SGCZ: variants seen among roughly 807,000 people sequenced by gnomAD.
SGCZ encodes the protein zeta-sarcoglycan.
SGCZ carries 40 observed loss-of-function variants against 41.3 expected under a neutral mutation model. The observed-to-expected ratio is 0.97, with a 90% CI of 0.75 to 1.26. The LOEUF is 1.26. Ranked by LOEUF, SGCZ falls within the 50% of genes most tolerant of loss-of-function variation. The pLI is 0.00. For missense variants in SGCZ, 552 were observed against 369.8 expected (o/e 1.49, Z -4.04); for synonymous variants, 206 against 137.5 (o/e 1.50, Z -3.49).
Position 14,689,652 on chromosome 8 carries a change from C to G in SGCZ, c.40-134726G>C, listed in dbSNP as rs547041469. Among the ~76,000 whole-genome samples the G allele has an allele frequency of 6.6e-4, 100 of 152,258 alleles. 4 individuals carry two copies. In the South Asian group the frequency reaches 0.02, roughly 30 times the overall value. On this transcript the variant is annotated intron_variant, in intron 1 of 7. Coordinates refer to ENST00000382080, the MANE Select transcript of SGCZ (RefSeq NM_139167.4). ...TGGGAGTAATTTGCCCTACAGAAAT[C>G]TGTTATAACATTTAAATGAAATTGT... is the stretch of plus-strand genomic sequence containing the variant.
intron 7 of SGCZ, among the ~76,000 whole-genome samples, chr8:14,098,704 A>C (rs7845079): frequency 0.01 from 1,575 of 152,266 alleles, 29 homozygotes; most frequent in African/African-American, 0.036. Context: ...CTTGAGACAT[A>C]ACACAATTAA....
intron 4 of SGCZ, among the ~76,000 whole-genome samples, chr8:14,236,290 CTAAT>C (rs1806757689): frequency 1.3e-5 from 2 of 152,116 alleles, no homozygotes; most frequent in African/African-American, 2.4e-5. Flanking sequence ...TGCTATATCT[CTAAT>C]TATCACAAAA....
At chr8:15,114,928 T>C (rs1487009727) in intron 1 of SGCZ, among the ~76,000 whole-genome samples, 2 of 152,116 alleles carry the variant, frequency 1.3e-5, no homozygotes, top group Non-Finnish European at 2.9e-5. Context: ...TCATTCAAAA[T>C]CATTGTTAAA....
At chr8:14,467,495 G>C (rs1801085288) in intron 2 of SGCZ, among the ~76,000 whole-genome samples, 1 of 152,060 alleles carries the variant, frequency 6.6e-6, no homozygotes, top group African/African-American at 2.4e-5. Flanking sequence ...TGTGCAAACT[G>C]CTTCAGGAAC....
At chr8:14,684,274 A>T (rs1673831545) in intron 1 of SGCZ, among the ~76,000 whole-genome samples, 1 of 152,192 alleles carries the variant, frequency 6.6e-6, no homozygotes, top group African/African-American at 2.4e-5. Context: ...TTTTCTATAA[A>T]CAACAGCTTG....
At chr8:14,898,647 A>C (rs569784185) in intron 1 of SGCZ, among the ~76,000 whole-genome samples, 1 of 152,330 alleles carries the variant, frequency 6.6e-6, no homozygotes, top group South Asian at 2.1e-4. Flanking sequence ...GAGAATCGAA[A>C]GGATTTGATA....
intron 1 of SGCZ, among the ~76,000 whole-genome samples, chr8:15,060,700 G>A (rs1398066450): frequency 6.7e-6 from 1 of 150,230 alleles, no homozygotes; most frequent in East Asian, 2.0e-4. Context: ...CTCCCTTTGG[G>A]AAAAAGAGCA....
intron 2 of SGCZ, among the ~76,000 whole-genome samples, chr8:14,532,613 A>G (rs1049867163): frequency 4.6e-5 from 7 of 150,878 alleles, no homozygotes; most frequent in African/African-American, 1.7e-4. Flanking sequence ...GCAAAAATGT[A>G]AGAGGAAACT....
At chr8:15,006,540 C>G (rs1406369088) in intron 1 of SGCZ, among the ~76,000 whole-genome samples, 1 of 152,002 alleles carries the variant, frequency 6.6e-6, no homozygotes, top group African/African-American at 2.4e-5. Flanking sequence ...CATTGTTTAC[C>G]CCACGAAGAA....
chr8:14,756,387 G>A (rs1433155019), intron 1 of SGCZ, among the ~76,000 whole-genome samples: 1 of 152,064 alleles, frequency 6.6e-6, no homozygotes, highest in Non-Finnish European at 1.5e-5. Context: ...GTTTCTCCAT[G>A]TTGGTCAGGC....
intron 2 of SGCZ, among the ~76,000 whole-genome samples, chr8:14,358,318 G>GT (rs1803369569): frequency 6.6e-6 from 1 of 152,082 alleles, no homozygotes; most frequent in Admixed American, 6.6e-5. Context: ...GGTTTAGTGA[G>GT]TTTTTTCCAT....
intron 1 of SGCZ, among the ~76,000 whole-genome samples, chr8:15,141,590 C>T (rs770586340): frequency 6.6e-6 from 1 of 152,152 alleles, no homozygotes; most frequent in Non-Finnish European, 1.5e-5. Context: ...GAAGGCTCTG[C>T]CCAAGAAGGC....
intron 2 of SGCZ, among the ~76,000 whole-genome samples, chr8:14,512,665 T>C (rs780500049): frequency 2.6e-5 from 4 of 151,866 alleles, no homozygotes; most frequent in Non-Finnish European, 5.9e-5. Flanking sequence ...TTGGTCCCAT[T>C]ATGTTGCCCA....
At chr8:14,864,766 G>T (rs1332377669) in intron 1 of SGCZ, among the ~76,000 whole-genome samples, 1 of 151,898 alleles carries the variant, frequency 6.6e-6, no homozygotes, top group Non-Finnish European at 1.5e-5. Flanking sequence ...TTCATAACCG[G>T]TAACTAATTT....
chr8:15,062,102 T>A (rs1804960507), intron 1 of SGCZ, among the ~76,000 whole-genome samples: 1 of 152,220 alleles, frequency 6.6e-6, no homozygotes, highest in African/African-American at 2.4e-5. Context: ...ACATTCTTGC[T>A]GTAACCTCTC....
At chr8:14,410,274 T>C (rs567032255) in intron 2 of SGCZ, among the ~76,000 whole-genome samples, 1 of 152,040 alleles carries the variant, frequency 6.6e-6, no homozygotes, top group Non-Finnish European at 1.5e-5. Context: ...CCATCCCTGA[T>C]GCCAAAAAGT....
chr8:14,704,147 T>A (rs1166667700), intron 1 of SGCZ, among the ~76,000 whole-genome samples: 2 of 152,006 alleles, frequency 1.3e-5, no homozygotes, highest in Non-Finnish European at 2.9e-5. Flanking sequence ...TTGATTTTAG[T>A]CCTGGGGTAA....
chr8:14,770,301 T>G (rs964307760), intron 1 of SGCZ, among the ~76,000 whole-genome samples: 2 of 151,622 alleles, frequency 1.3e-5, no homozygotes. Context: ...AAGCAAATTT[T>G]TACCTTCAAT....
intron 4 of SGCZ, among the ~76,000 whole-genome samples, chr8:14,185,837 T>C (rs1804885859): frequency 6.6e-6 from 1 of 152,196 alleles, no homozygotes; most frequent in Non-Finnish European, 1.5e-5. Flanking sequence ...GCAGACCCCT[T>C]CTCTACTTAT....
Sources: gnomAD v4.1 joint callset for allele counts (sites outside exome capture counted in the v4.1 genomes callset) on GRCh38, gnomAD v4.1.1 for gene constraint, MANE v1.5 for transcripts, NCBI Gene and HGNC (gene_info 2026-07-23, HGNC 2026-07-21) for gene names.